The following RNF169 variants were observed in gnomAD, a reference collection of about 807,000 sequenced individuals.
RNF169 encodes ring finger protein 169.
Under a neutral mutation model 53.9 loss-of-function variants are expected in RNF169, and 24 were observed. That is an observed-to-expected ratio of 0.45 (90% CI 0.32 to 0.63). The LOEUF (loss-of-function observed/expected upper bound fraction) is 0.63. Ranked by LOEUF, RNF169 falls within the 20% of genes least tolerant of loss-of-function variation. RNF169 has a pLI of 0.04. For missense variants in RNF169, 883 were observed against 906.2 expected (o/e 0.97, Z 0.33); for synonymous variants, 396 against 363.5 (o/e 1.09, Z -1.02).
chr11:74,800,548 T>C (rs1311363066), intron 2 of RNF169, among the ~76,000 whole-genome samples: 5 of 152,170 alleles, frequency 3.3e-5, no homozygotes, highest in Admixed American at 6.5e-5. Flanking sequence ...ACCAAGCTTA[T>C]AGGGTTATTG....
chr11:74,819,807 G>A (rs112868527), intron 4 of RNF169, among the ~76,000 whole-genome samples: 63 of 152,254 alleles, frequency 4.1e-4, no homozygotes, highest in African/African-American at 1.2e-3. Context: ...TTTAGCAATA[G>A]TTTATATTGA....
intron 4 of RNF169, chr11:74,831,885 CCATT>C (rs1469042398): frequency 2.0e-5 from 3 of 152,132 alleles, no homozygotes; most frequent in Non-Finnish European, 4.4e-5. Flanking sequence ...GGTGCCAAGA[CCATT>C]CAGTGGGGAA....
chr11:74,749,808 C>T (rs2034858297), intron 1 of RNF169, among the ~76,000 whole-genome samples: 1 of 151,874 alleles, frequency 6.6e-6, no homozygotes, highest in South Asian at 2.1e-4. Flanking sequence ...GTGGAGAATC[C>T]GGAGTTTAGG....
intron 4 of RNF169, 111 bp from the exon 5 acceptor site, chr11:74,834,565 G>T: frequency 1.7e-6 from 1 of 585,382 alleles, no homozygotes; most frequent in Non-Finnish European, 2.9e-6. Flanking sequence ...GCTGCCCAAG[G>T]GAATTCTTTC....
At chr11:74,795,835 T>A (rs1278252369) in intron 2 of RNF169, among the ~76,000 whole-genome samples, 1 of 152,166 alleles carries the variant, frequency 6.6e-6, no homozygotes, top group East Asian at 1.9e-4. Context: ...CCATCCTGGG[T>A]GACAGAGTAA....
intron 1 of RNF169, among the ~76,000 whole-genome samples, chr11:74,750,623 A>C: frequency 1.1e-5 from 1 of 93,160 alleles, no homozygotes; most frequent in African/African-American, 4.2e-5. Flanking sequence ...TTTGAGATGG[A>C]GTCTCGCACT....
intron 2 of RNF169, among the ~76,000 whole-genome samples, chr11:74,790,298 C>G (rs1157553286): frequency 6.6e-6 from 1 of 152,238 alleles, no homozygotes; most frequent in East Asian, 1.9e-4. Flanking sequence ...TAGTGTCATT[C>G]TTTCCCAGCC....
chr11:74,810,589 C>T (rs1293904330), intron 3 of RNF169, among the ~76,000 whole-genome samples: 1 of 152,184 alleles, frequency 6.6e-6, no homozygotes, highest in Non-Finnish European at 1.5e-5. Context: ...GTATAGTTTA[C>T]TACTTGTGAT....
chr11:74,836,835 G>A lies in RNF169; in HGVS notation c.*105G>A. 1.2e-6 allele frequency: 1 copy of A among 837,314 alleles called. No homozygotes were observed. 51.9% of individuals were successfully genotyped at this position (837,314 alleles called of 1,614,324 possible). ...GGTTTTATTTTAATGGCAAAACACT[G>A]TCTAATATGGTTCTGAGAGGTTCCA... is the stretch of plus-strand genomic sequence containing the variant. On this transcript the variant is annotated 3_prime_UTR_variant, in exon 6 of 6. Transcript: ENST00000299563.
chr11:74,808,815 C>G, intron 2 of RNF169, among the ~76,000 whole-genome samples: 1 of 152,164 alleles, frequency 6.6e-6, no homozygotes, highest in Middle Eastern at 3.2e-3. Context: ...GACCTTAAAT[C>G]TTTTATGTGG....
chr11:74,802,960 G>T (rs1438928843), intron 2 of RNF169, among the ~76,000 whole-genome samples: 1 of 151,818 alleles, frequency 6.6e-6, no homozygotes, highest in Non-Finnish European at 1.5e-5. Flanking sequence ...TTGCTCTGTC[G>T]CCCAGGCTGG....
intron 1 of RNF169, among the ~76,000 whole-genome samples, chr11:74,779,688 C>T (rs1435189435): frequency 2.0e-5 from 3 of 152,042 alleles, no homozygotes; most frequent in African/African-American, 7.2e-5. Context: ...AAGTTATTTA[C>T]AATAGTTTGG....
chr11:74,834,776 G>A lies in RNF169; in HGVS notation c.942+1G>A. ...AGCAGTTCCAGGCAACAAAGCCAAG[G>A]TACACCTCAGCCACAGACCTCCGGG... On this transcript the variant is annotated splice_donor_variant, in intron 5 of 5. Transcript: ENST00000299563. LOFTEE classifies it high-confidence loss of function. 1.2e-6 allele frequency: 2 copies of A among 1,611,412 alleles called. No homozygotes were observed. Among genetic ancestry groups the A allele is most frequent in the Non-Finnish European group, 1.7e-6 (2 of 1,178,048 alleles).
chr11:74,792,969 A>T (rs2035599485), intron 2 of RNF169, among the ~76,000 whole-genome samples: 1 of 152,178 alleles, frequency 6.6e-6, no homozygotes. Flanking sequence ...CCATTGTACA[A>T]CCTGGAAAAT....
Position 74,841,773 on chromosome 11 carries a change from T to A in RNF169, c.*5043T>A, listed in dbSNP as rs1446994486. The A allele has an allele frequency of 6.6e-6, 1 of 152,200 alleles. No individual in the cohort carries two copies. The highest frequency in any genetic ancestry group is 2.4e-5 in the African/African-American group (1 of 41,456). 9.4% of individuals were successfully genotyped at this position (152,200 alleles called of 1,614,324 possible). ...ACAGGCAATGAACTCGCTCTTCAAA[T>A]ACCATAGTTCAAGAGTAGCTGTTGG... On this transcript the variant is annotated 3_prime_UTR_variant, in exon 6 of 6. Coordinates refer to ENST00000299563, the MANE Select transcript of RNF169 (RefSeq NM_001098638.2).
At chr11:74,766,087 A>T (rs1488458533) in intron 1 of RNF169, among the ~76,000 whole-genome samples, 2 of 152,156 alleles carry the variant, frequency 1.3e-5, no homozygotes, top group African/African-American at 2.4e-5. Context: ...ATGAAGATTT[A>T]AAAAAACCTA....
chr11:74,797,797 T>C (rs922672637), intron 2 of RNF169, among the ~76,000 whole-genome samples: 1 of 152,090 alleles, frequency 6.6e-6, no homozygotes, highest in Admixed American at 6.5e-5. Flanking sequence ...CTGGGCAATA[T>C]AGTGTGTTGT....
intron 4 of RNF169, among the ~76,000 whole-genome samples, chr11:74,827,023 G>A (rs577118320): frequency 5.9e-5 from 9 of 152,320 alleles, no homozygotes; most frequent in African/African-American, 2.2e-4. Flanking sequence ...CCTCTAGGCA[G>A]TGCCCCAATG....
At chr11:74,826,307 CAG>C (rs2036096001) in intron 4 of RNF169, among the ~76,000 whole-genome samples, 2 of 152,252 alleles carry the variant, frequency 1.3e-5, no homozygotes, top group Non-Finnish European at 2.9e-5. Flanking sequence ...GCCTGGGTGA[CAG>C]AGCAAGATCC....
Sources: gnomAD v4.1 joint callset for allele counts (sites outside exome capture counted in the v4.1 genomes callset) on GRCh38, gnomAD v4.1.1 for gene constraint, MANE v1.5 for transcripts, NCBI Gene and HGNC (gene_info 2026-07-23, HGNC 2026-07-21) for gene names.